TRIM61: variants seen among roughly 807,000 people sequenced by gnomAD.
The protein encoded by TRIM61 is putative tripartite motif-containing protein 61.
A neutral mutation model predicts 14.2 loss-of-function variants in TRIM61; 1 was observed. The observed-to-expected ratio is 0.07, with a 90% CI of 0.03 to 0.33. The LOEUF (loss-of-function observed/expected upper bound fraction) is 0.33. Among genes scored for constraint, TRIM61 ranks in the 10% least tolerant of loss-of-function variants. TRIM61 has a pLI of 0.99. For synonymous variants in TRIM61, 8 were observed against 71.6 expected, an observed-to-expected ratio of 0.11 and a Z score of 4.49; for missense variants, 19 against 202.2, an observed-to-expected ratio of 0.09 and a Z score of 5.49.
At chr4:164,973,259 G>GT (rs1355990653) in intron 2 of TRIM61, among the ~76,000 whole-genome samples, 1 of 152,228 alleles carries the variant, frequency 6.6e-6, no homozygotes, top group Non-Finnish European at 1.5e-5. Context: ...GCCTAGAGCT[G>GT]TAAAAGCGGA....
chr4:164,958,026 C>T (rs939575097), intron 3 of TRIM61: 3 of 167,750 alleles, frequency 1.8e-5, no homozygotes, highest in Admixed American at 6.5e-5. Context: ...TCTTGTATCT[C>T]TAAAGATAGA....
intron 3 of TRIM61, chr4:164,968,856 G>C: frequency 3.0e-6 from 3 of 987,928 alleles, no homozygotes; most frequent in Non-Finnish European, 3.6e-6. Flanking sequence ...AATCCATCCT[G>C]TACTAAAATT....
At chr4:164,967,819 G>T (rs1732274471) in intron 3 of TRIM61, among the ~76,000 whole-genome samples, 1 of 148,848 alleles carries the variant, frequency 6.7e-6, no homozygotes, top group Non-Finnish European at 1.5e-5. Flanking sequence ...GGGCAAAATA[G>T]AAAAATAAAA....
At chr4:164,964,261 T>C (rs1332609097) in intron 3 of TRIM61, among the ~76,000 whole-genome samples, 1 of 148,760 alleles carries the variant, frequency 6.7e-6, no homozygotes, top group Non-Finnish European at 1.5e-5. Flanking sequence ...GGCAAGAGAA[T>C]GGCATGAACC....
rs1313191844 is a variant in TRIM61 at position 164,969,986 on chromosome 4, G to A, written c.17C>T (p.Ala6Val). ...AGCCTCTGCTCGGAGGTCAGCCAGG[G>A]CCGTAACAAATTCCATTGAGACTTG... The change falls in exon 3 of 5, where the codon GCC becomes GTC. Residue 6 changes from alanine to valine, a missense_variant. Around this residue, in one of 2 missense-constraint regions of TRIM61, gnomAD observed 17 missense variants for 105.5 expected, o/e 0.16. Coordinates refer to ENST00000329314, the MANE Select transcript of TRIM61 (RefSeq NM_001012414.3). 9 of 1,613,634 alleles carry A rather than the reference G, an allele frequency of 5.6e-6. No homozygotes were observed. In the African/African-American group the frequency reaches 9.3e-5, roughly 17 times the overall value.
At chr4:164,957,243 T>C (rs1392157776) in intron 3 of TRIM61, 1 of 1,608,838 alleles carries the variant, frequency 6.2e-7, no homozygotes. Flanking sequence ...CAGCGGTCGC[T>C]CCACCAATCC....
chr4:164,973,046 G>A (rs1429649411), intron 2 of TRIM61, among the ~76,000 whole-genome samples: 2 of 152,092 alleles, frequency 1.3e-5, no homozygotes, highest in Non-Finnish European at 2.9e-5. Context: ...ACCACTTTCT[G>A]CTTAGATTAC....
At chr4:164,968,857 T>C in intron 3 of TRIM61, 29 of 988,256 alleles carry the variant, frequency 2.9e-5, no homozygotes, top group Non-Finnish European at 3.4e-5. Context: ...ATCCATCCTG[T>C]ACTAAAATTG....
intron 3 of TRIM61, chr4:164,958,835 G>A (rs973749993): frequency 3.0e-5 from 5 of 166,978 alleles, no homozygotes; most frequent in Admixed American, 2.6e-4. Flanking sequence ...TTAAACAGAG[G>A]CATGATTTAT....
chr4:164,967,551 A>T (rs561720698), intron 3 of TRIM61, among the ~76,000 whole-genome samples: 2 of 152,196 alleles, frequency 1.3e-5, no homozygotes, highest in Non-Finnish European at 2.9e-5. Context: ...AGAACAGGTT[A>T]TCTACCGGTT....
At chr4:164,957,126 C>T (rs768607231) in intron 3 of TRIM61, 1 of 1,598,912 alleles carries the variant, frequency 6.3e-7, no homozygotes. Context: ...AAACTGCGTT[C>T]CTGGTGCAGG....
At chr4:164,971,517 AGAG>A (rs760222348) in intron 2 of TRIM61, among the ~76,000 whole-genome samples, 8 of 150,848 alleles carry the variant, frequency 5.3e-5, no homozygotes, top group Non-Finnish European at 8.9e-5. Flanking sequence ...CTTGAACCCG[AGAG>A]GAGGAGGTTG....
intron 3 of TRIM61, chr4:164,957,172 C>T (rs1421095648): frequency 3.7e-6 from 6 of 1,611,288 alleles, no homozygotes; most frequent in South Asian, 1.1e-5. Context: ...ATACGCTGAC[C>T]GGCGGCCGCC....
intron 3 of TRIM61, among the ~76,000 whole-genome samples, chr4:164,963,799 T>A (rs1419528742): frequency 6.6e-6 from 1 of 150,710 alleles, no homozygotes; most frequent in African/African-American, 2.4e-5. Flanking sequence ...TATACAAAAT[T>A]ATAATAGATA....
intron 3 of TRIM61, among the ~76,000 whole-genome samples, chr4:164,963,993 T>A (rs893001725): frequency 3.3e-5 from 5 of 151,952 alleles, no homozygotes; most frequent in Admixed American, 2.6e-4. Context: ...ATTTATAGAA[T>A]TAAATTTATA....
Position 164,977,589 on chromosome 4 carries a change from G to A in TRIM61, c.-534C>T, listed in dbSNP as rs1486830319. On this transcript the variant is annotated 5_prime_UTR_variant, in exon 1 of 5. Transcript: ENST00000329314. ...AATACTCAGGACCCACCGAGCCCCC[G>A]CGAGGAAGGACTCATACCCCAACCC... The A allele has an allele frequency of 6.6e-6, 1 of 152,172 alleles. No homozygotes were observed. Among genetic ancestry groups the A allele is most frequent in the Admixed American group, 6.5e-5 (1 of 15,280 alleles). 9.4% of individuals were successfully genotyped at this position (152,172 alleles called of 1,614,324 possible).
At chr4:164,973,307 C>T (rs1288408036) in intron 2 of TRIM61, among the ~76,000 whole-genome samples, 1 of 152,242 alleles carries the variant, frequency 6.6e-6, no homozygotes, top group East Asian at 1.9e-4. Flanking sequence ...CAACATTACG[C>T]TAATTGGCAT....
chr4:164,966,165 T>G lies in TRIM61; in HGVS notation c.525+3313A>C, dbSNP rs1331457015. 2.0e-5 allele frequency among the ~76,000 whole-genome samples: 3 copies of G among 152,108 alleles called. No homozygotes were observed. In the East Asian group the frequency reaches 5.8e-4, roughly 29 times the overall value. On this transcript the variant is annotated intron_variant, in intron 3 of 4. Coordinates refer to ENST00000329314, the MANE Select transcript of TRIM61 (RefSeq NM_001012414.3). ...AAATGAATTCAGAAAACTAGACAACTGCAGGGGACAGTTTGGGAATGAATT... is the reference window on the plus strand; with the variant it reads ...AAATGAATTCAGAAAACTAGACAACGGCAGGGGACAGTTTGGGAATGAATT...
chr4:164,969,152 G>T (rs1732303866), intron 3 of TRIM61: 1 of 1,165,016 alleles, frequency 8.6e-7, no homozygotes, highest in Non-Finnish European at 1.1e-6. Context: ...GTCTAGGCCA[G>T]AATATTGTGG....
Sources: allele counts gnomAD v4.1 joint callset (sites outside exome capture counted in the v4.1 genomes callset), GRCh38; gene constraint gnomAD v4.1.1; regional missense constraint gnomAD v4.1.1; transcripts MANE v1.5; gene names NCBI Gene and HGNC (gene_info 2026-07-23, HGNC 2026-07-21).